LMX1A: variants seen among roughly 807,000 people sequenced by gnomAD.
LMX1A encodes LIM homeobox transcription factor 1 alpha.
A neutral mutation model predicts 49.1 loss-of-function variants in LMX1A; 15 were observed. The observed-to-expected ratio is 0.31, with a 90% CI of 0.20 to 0.47. LMX1A has a LOEUF of 0.47. LMX1A is among the 20% of genes least tolerant of loss of function. The probability of loss-of-function intolerance (pLI) is 1.00; values close to 1 mark genes in which losing one functional copy is unlikely to be tolerated. For synonymous variants in LMX1A, 167 were observed against 185.7 expected, an observed-to-expected ratio of 0.90 and a Z score of 0.82; for missense variants, 372 against 475.8, an observed-to-expected ratio of 0.78 and a Z score of 2.03.
At chr1:165,260,246 A>G (rs1653391794) in intron 3 of LMX1A, among the ~76,000 whole-genome samples, 1 of 152,206 alleles carries the variant, frequency 6.6e-6, no homozygotes, top group African/African-American at 2.4e-5. Context: ...TTCTGGGCAC[A>G]GATTCCTATT....
chr1:165,354,110 T>C (rs1656518596), intron 2 of LMX1A, among the ~76,000 whole-genome samples: 1 of 152,160 alleles, frequency 6.6e-6, no homozygotes, highest in Non-Finnish European at 1.5e-5. Flanking sequence ...TGGCGACGCT[T>C]GGCCACCTAT....
intron 3 of LMX1A, among the ~76,000 whole-genome samples, chr1:165,307,661 A>G (rs545173976): frequency 6.6e-6 from 1 of 152,326 alleles, no homozygotes; most frequent in South Asian, 2.1e-4. Flanking sequence ...CCCTTACAAC[A>G]GATCCATGTG....
intron 3 of LMX1A, among the ~76,000 whole-genome samples, chr1:165,296,395 C>A (rs1197183843): frequency 6.6e-6 from 1 of 152,236 alleles, no homozygotes; most frequent in Non-Finnish European, 1.5e-5. Context: ...CAGGAGCAGG[C>A]CCCACAGGGC....
In LMX1A at chr1:165,349,407, C is replaced by A. The variant is rs553299022; in HGVS notation, c.263+3669G>T. ...TTGATTGTCTGCTAACTTTCAGGAA[C>A]GTTGAAGACAGTTGAATCCACTTTT... On this transcript the variant is annotated intron_variant, in intron 3 of 8. Transcript: ENST00000342310. 4.6e-5 allele frequency among the ~76,000 whole-genome samples: 7 copies of A among 152,326 alleles called. No homozygotes were observed. In the East Asian group the frequency reaches 1.2e-3, roughly 25 times the overall value.
chr1:165,330,654 G>A (rs1236585040), intron 3 of LMX1A, among the ~76,000 whole-genome samples: 3 of 152,182 alleles, frequency 2.0e-5, no homozygotes, highest in Admixed American at 2.0e-4. Context: ...CCACATGGAA[G>A]AAGGAACTGG....
Position 165,205,977 on chromosome 1 carries a change from G to A in LMX1A, c.875C>T (p.Ala292Val). ...GMEGIMNPYT[A>V]LPTPQQLLAI... ...CAGGAGCTGCTGTGGGGTGGGCAGA[G>A]CCGTGTAGGGGTTCATGATTCCTTC... Residue 292 changes from alanine to valine, a missense_variant, in exon 8 of 9, where the codon GCT (alanine) becomes GTT (valine). Transcript: ENST00000342310. 6.2e-7 allele frequency: 1 copy of A among 1,612,200 alleles called. No homozygotes were observed. The highest frequency in any genetic ancestry group is 8.5e-7 in the Non-Finnish European group (1 of 1,179,152).
intron 3 of LMX1A, among the ~76,000 whole-genome samples, chr1:165,288,970 A>G (rs1031163244): frequency 6.6e-6 from 1 of 152,224 alleles, no homozygotes; most frequent in Non-Finnish European, 1.5e-5. Flanking sequence ...TCCAACTGGC[A>G]GAGTGAATCA....
At chr1:165,219,758 T>C (rs1320857601) in intron 4 of LMX1A, among the ~76,000 whole-genome samples, 1 of 152,214 alleles carries the variant, frequency 6.6e-6, no homozygotes, top group Admixed American at 6.5e-5. Flanking sequence ...CATTTACTCT[T>C]ACACTTAGCA....
At position 165,235,814 on chromosome 1, in the gene LMX1A, T is replaced by C. The variant is rs930563278; in HGVS notation, c.496+13594A>G. On this transcript the variant is annotated intron_variant, in intron 4 of 8. Transcript: ENST00000342310. Reference sequence around the variant, plus strand: ...CATTAGAACTCAGGGGAGGCTCTAATTGAAGTGACGGCTTTGGAGATTATG... The same window carrying C: ...CATTAGAACTCAGGGGAGGCTCTAACTGAAGTGACGGCTTTGGAGATTATG... 8.5e-5 allele frequency among the ~76,000 whole-genome samples: 13 copies of C among 152,352 alleles called. No individual in the cohort carries two copies. The East Asian group carries it at 1.2e-3, about 14-fold the overall frequency.
chr1:165,291,577 C>T (rs1654467296), intron 3 of LMX1A, among the ~76,000 whole-genome samples: 1 of 152,166 alleles, frequency 6.6e-6, no homozygotes, highest in Non-Finnish European at 1.5e-5. Flanking sequence ...ATGCCTAATA[C>T]GGAATGAGTT....
Position 165,355,562 on chromosome 1 carries a change from T to G in LMX1A, c.-3A>C. ...TCCATCTTTAGGCCGTCCAGCATGTTCGGGCCGGGCCGGGAGGACCTGTAG... is the reference window on the plus strand; with the variant it reads ...TCCATCTTTAGGCCGTCCAGCATGTGCGGGCCGGGCCGGGAGGACCTGTAG... On this transcript the variant is annotated 5_prime_UTR_variant, in exon 2 of 9. Coordinates refer to ENST00000342310, the MANE Select transcript of LMX1A (RefSeq NM_177398.4). This position sits in a 1 kb window ranked among gnomAD's most constrained non-coding sequence, Gnocchi z 4.7. The G allele has an allele frequency of 1.9e-6, 3 of 1,613,652 alleles. No individual in the cohort carries two copies. Among genetic ancestry groups the G allele is most frequent in the Non-Finnish European group, 2.5e-6 (3 of 1,179,874 alleles).
intron 3 of LMX1A, among the ~76,000 whole-genome samples, chr1:165,338,294 G>A (rs1655964783): frequency 6.6e-6 from 1 of 152,186 alleles, no homozygotes; most frequent in African/African-American, 2.4e-5. Context: ...AGCCAGCAAT[G>A]TCAGGGCAAA....
intron 3 of LMX1A, among the ~76,000 whole-genome samples, chr1:165,305,478 G>A (rs1654895444): frequency 6.6e-6 from 1 of 152,164 alleles, no homozygotes; most frequent in African/African-American, 2.4e-5. Flanking sequence ...GGACCCAGTA[G>A]GCCAAATATC....
chr1:165,274,762 C>T (rs1317653923), intron 3 of LMX1A, among the ~76,000 whole-genome samples: 1 of 152,150 alleles, frequency 6.6e-6, no homozygotes, highest in Admixed American at 6.5e-5. Flanking sequence ...GAAGGTAAAA[C>T]GTGAAATTCC....
chr1:165,256,290 G>T (rs1334493740), intron 3 of LMX1A, among the ~76,000 whole-genome samples: 1 of 152,172 alleles, frequency 6.6e-6, no homozygotes, highest in Non-Finnish European at 1.5e-5. Context: ...CAAAAGTGCT[G>T]CCTTTTCCAA....
chr1:165,236,856 T>G (rs994152185), intron 4 of LMX1A, among the ~76,000 whole-genome samples: 4 of 151,702 alleles, frequency 2.6e-5, no homozygotes, highest in South Asian at 4.2e-4. Context: ...TTCAAAGTTT[T>G]TTTTTTTTTT....
At chr1:165,330,049 C>G (rs764762146) in intron 3 of LMX1A, among the ~76,000 whole-genome samples, 7 of 152,204 alleles carry the variant, frequency 4.6e-5, no homozygotes, top group Non-Finnish European at 1.0e-4. Context: ...AGAAATAACT[C>G]TAAGTGTTTT....
At chr1:165,346,471 G>A (rs1656247269) in intron 3 of LMX1A, among the ~76,000 whole-genome samples, 1 of 152,196 alleles carries the variant, frequency 6.6e-6, no homozygotes, top group Admixed American at 6.5e-5. Flanking sequence ...TTAAATTCTA[G>A]CTAATCTGTG....
At chr1:165,254,680 T>A (rs538282061) in intron 3 of LMX1A, among the ~76,000 whole-genome samples, 1 of 152,156 alleles carries the variant, frequency 6.6e-6, no homozygotes, top group South Asian at 2.1e-4. Context: ...AAAGTCCAGG[T>A]CATAATTAAA....
Sources: gnomAD v4.1 joint callset for allele counts (sites outside exome capture counted in the v4.1 genomes callset) on GRCh38, gnomAD v4.1.1 for gene constraint, Gnocchi (gnomAD v3.1) non-coding constraint, MANE v1.5 for transcripts, NCBI Gene and HGNC (gene_info 2026-07-23, HGNC 2026-07-21) for gene names.